Variants in PCSK2 observed in about 807,000 individuals in gnomAD.
PCSK2 encodes the protein neuroendocrine convertase 2.
PCSK2 carries 14 observed loss-of-function variants against 69.7 expected under a neutral mutation model. That is an observed-to-expected ratio of 0.20 (90% CI 0.13 to 0.31). The LOEUF is 0.31. PCSK2 is among the 10% of genes least tolerant of loss of function. The probability of loss-of-function intolerance (pLI) is 1.00; values close to 1 mark genes in which losing one functional copy is unlikely to be tolerated. For synonymous variants in PCSK2, 307 were observed against 320.7 expected (o/e 0.96, Z 0.46); for missense variants, 544 against 842.5 (o/e 0.65, Z 4.39).
intron 2 of PCSK2, among the ~76,000 whole-genome samples, chr20:17,277,587 T>A (rs6111482): frequency 0.19 from 28,411 of 147,134 alleles, 2,891 homozygotes; most frequent in Middle Eastern, 0.28. Flanking sequence ...ATTAAAGACT[T>A]AAATGTTAGA....
intron 2 of PCSK2, among the ~76,000 whole-genome samples, chr20:17,349,074 G>T (rs2029895861): frequency 1.3e-5 from 2 of 152,170 alleles, no homozygotes; most frequent in Admixed American, 1.3e-4. Flanking sequence ...TCAGGGCACT[G>T]CCCAGCGCAA....
rs1017546653 is a variant in PCSK2, at chr20:17,481,871, G to A, written c.1718G>A (p.Gly573Glu). The A allele has an allele frequency of 1.2e-6, 2 of 1,613,996 alleles. No individual in the cohort carries two copies. The highest frequency in any genetic ancestry group is 4.5e-5 in the East Asian group (2 of 44,872). Reference sequence around the variant, plus strand: ...CGAGGCACCTGGACCCTGGAGCTGGGATTTGTCGGCAGCGCCCCGCAGAAG... The same window carrying A: ...CGAGGCACCTGGACCCTGGAGCTGGAATTTGTCGGCAGCGCCCCGCAGAAG... ...DARGTWTLEL[G>E]FVGSAPQKGV... The change falls in exon 12 of 12, where the codon GGA becomes GAA. Residue 573 changes from glycine to glutamate, a missense_variant. Physicochemically the swap from Gly to Glu is moderately conservative, Grantham distance 98. Around this residue, in one of 3 missense-constraint regions of PCSK2, gnomAD observed 200 missense variants for 287.8 expected, o/e 0.69. Coordinates refer to ENST00000262545, the MANE Select transcript of PCSK2 (RefSeq NM_002594.5).
chr20:17,344,995 A>T (rs1158198651), intron 2 of PCSK2, among the ~76,000 whole-genome samples: 1 of 152,192 alleles, frequency 6.6e-6, no homozygotes, highest in African/African-American at 2.4e-5. Flanking sequence ...CTGCCTAATT[A>T]ATGACTTCAT....
intron 1 of PCSK2, among the ~76,000 whole-genome samples, chr20:17,233,044 G>C (rs905613257): frequency 2.0e-5 from 3 of 152,156 alleles, no homozygotes; most frequent in Admixed American, 6.5e-5. Context: ...TTGGTGCTTT[G>C]ATGATGTATA....
intron 2 of PCSK2, among the ~76,000 whole-genome samples, chr20:17,280,172 T>C (rs1293934308): frequency 2.0e-5 from 3 of 152,240 alleles, no homozygotes; most frequent in African/African-American, 7.2e-5. Flanking sequence ...AATTGAATTG[T>C]ATAGTATATA....
intron 1 of PCSK2, among the ~76,000 whole-genome samples, chr20:17,230,205 T>G (rs1384179927): frequency 6.6e-6 from 1 of 152,210 alleles, no homozygotes. Context: ...ATGCTTAGCA[T>G]GCTTCCCAAC....
chr20:17,348,889 A>T (rs2029890174), intron 2 of PCSK2, among the ~76,000 whole-genome samples: 1 of 152,146 alleles, frequency 6.6e-6, no homozygotes, highest in Admixed American at 6.6e-5. Flanking sequence ...GGGGGTAAGG[A>T]CTTCAACATT....
At chr20:17,404,861 T>C (rs1568635541) in intron 5 of PCSK2, among the ~76,000 whole-genome samples, 1 of 152,186 alleles carries the variant, frequency 6.6e-6, no homozygotes, top group Non-Finnish European at 1.5e-5. Context: ...TGGGGTTTTG[T>C]CACAACGACT....
chr20:17,348,033 AGAAAGAAAGAAAGAAAG>A (rs568354811), intron 2 of PCSK2, among the ~76,000 whole-genome samples: 8,062 of 85,412 alleles, frequency 0.094, 552 homozygotes, highest in South Asian at 0.19. Context: ...GAAAGAAAGA[AGAAAGAAAGAAAGAAAG>A]GAAAGAAAGA....
intron 2 of PCSK2, among the ~76,000 whole-genome samples, chr20:17,299,920 G>C (rs1989020494): frequency 6.6e-6 from 1 of 152,116 alleles, no homozygotes; most frequent in South Asian, 2.1e-4. Context: ...GAAAAGCATT[G>C]ACTAACTCTT....
At chr20:17,275,726 G>A (rs1299956288) in intron 2 of PCSK2, among the ~76,000 whole-genome samples, 1 of 152,102 alleles carries the variant, frequency 6.6e-6, no homozygotes, top group African/African-American at 2.4e-5. Flanking sequence ...GCAGTCTGCT[G>A]GGATCCATCA....
chr20:17,228,791 T>G (rs1404839006), intron 1 of PCSK2, among the ~76,000 whole-genome samples: 1 of 152,158 alleles, frequency 6.6e-6, no homozygotes, highest in African/African-American at 2.4e-5. Context: ...AGTACCGGAA[T>G]TTCGACCCCA....
intron 2 of PCSK2, among the ~76,000 whole-genome samples, chr20:17,287,652 C>A (rs180933339): frequency 8.1e-4 from 123 of 152,300 alleles, no homozygotes; most frequent in African/African-American, 2.8e-3. Context: ...TCTCCAAGAA[C>A]CCTGGTGCTT....
chr20:17,228,092 G>C (rs75038237), intron 1 of PCSK2: 1 of 152,108 alleles, frequency 6.6e-6, no homozygotes, highest in Admixed American at 6.5e-5. Context: ...CCCCGCCCAC[G>C]ACCGCCCACC....
chr20:17,466,354 A>G (rs991124170), intron 11 of PCSK2, among the ~76,000 whole-genome samples: 5 of 152,206 alleles, frequency 3.3e-5, no homozygotes, highest in African/African-American at 1.2e-4. Context: ...GTCATGTTTA[A>G]TGTGTACTTA....
At chr20:17,421,336 C>G (rs779022137) in intron 6 of PCSK2, among the ~76,000 whole-genome samples, 2 of 152,180 alleles carry the variant, frequency 1.3e-5, no homozygotes, top group Non-Finnish European at 2.9e-5. Context: ...CTCATTCTCA[C>G]CTGTCACCTA....
chr20:17,324,661 C>CTATCAA (rs1989986307), intron 2 of PCSK2, among the ~76,000 whole-genome samples: 1 of 152,140 alleles, frequency 6.6e-6, no homozygotes, highest in Admixed American at 6.5e-5. Context: ...GAATGTTCAG[C>CTATCAA]TATCAGTAGC....
chr20:17,241,763 C>G (rs1401026980), intron 1 of PCSK2, among the ~76,000 whole-genome samples: 1 of 152,138 alleles, frequency 6.6e-6, no homozygotes, highest in Admixed American at 6.5e-5. Context: ...CCTCCCCTGA[C>G]ATATAAATAT....
At chr20:17,281,046 T>C (rs1988290459) in intron 2 of PCSK2, among the ~76,000 whole-genome samples, 1 of 152,200 alleles carries the variant, frequency 6.6e-6, no homozygotes, top group Non-Finnish European at 1.5e-5. Flanking sequence ...GGAGACTTCT[T>C]TCTTCTCCCT....
Sources: gnomAD v4.1 joint callset for allele counts (sites outside exome capture counted in the v4.1 genomes callset) on GRCh38, gnomAD v4.1.1 for gene constraint, gnomAD v4.1.1 regional missense constraint, MANE v1.5 for transcripts, NCBI Gene and HGNC (gene_info 2026-07-23, HGNC 2026-07-21) for gene names.